The following CDK15 variants were observed in gnomAD, a reference collection of about 807,000 sequenced individuals.
CDK15 encodes cyclin-dependent kinase 15.
In CDK15, 62 loss-of-function variants were observed where a neutral mutation model predicts 60.3. The observed-to-expected ratio is 1.03, with a 90% CI of 0.84 to 1.27. The LOEUF (loss-of-function observed/expected upper bound fraction) is 1.27, where lower values mean the gene tolerates loss of function less well. Among genes scored for constraint, CDK15 ranks in the 50% most tolerant of loss-of-function variants. The pLI is 0.00. For synonymous variants in CDK15, 194 were observed against 195.7 expected, an observed-to-expected ratio of 0.99 and a Z score of 0.07; for missense variants, 541 against 527.8, an observed-to-expected ratio of 1.03 and a Z score of -0.25.
intron 12 of CDK15, among the ~76,000 whole-genome samples, chr2:201,886,836 G>A (rs943235008): frequency 6.6e-6 from 1 of 152,156 alleles, no homozygotes; most frequent in African/African-American, 2.4e-5. Flanking sequence ...TAAATTAGTT[G>A]TTTTTTCCTG....
intron 10 of CDK15, among the ~76,000 whole-genome samples, chr2:201,857,085 G>T (rs1698172964): frequency 1.2e-5 from 1 of 80,802 alleles, no homozygotes; most frequent in Admixed American, 1.1e-4. Context: ...AATTAGCCGG[G>T]CGCGGTGGCG....
chr2:201,887,761 T>C (rs1250860505), intron 12 of CDK15, among the ~76,000 whole-genome samples: 1 of 152,236 alleles, frequency 6.6e-6, no homozygotes, highest in Non-Finnish European at 1.5e-5. Flanking sequence ...TGTATGTGTA[T>C]TGTGCCCCTA....
chr2:201,889,050 A>G (rs1699555126), intron 12 of CDK15: 1 of 985,308 alleles, frequency 1.0e-6, no homozygotes, highest in Non-Finnish European at 1.2e-6. Flanking sequence ...TATTTGGAAT[A>G]TGCGATTCCA....
intron 6 of CDK15, among the ~76,000 whole-genome samples, chr2:201,825,460 G>A (rs1201849666): frequency 6.6e-6 from 1 of 151,736 alleles, no homozygotes; most frequent in Non-Finnish European, 1.5e-5. Context: ...CTGGAAGTAA[G>A]GTTTTGGAAA....
chr2:201,869,615 G>A (rs1015291311), intron 10 of CDK15, among the ~76,000 whole-genome samples: 1 of 152,016 alleles, frequency 6.6e-6, no homozygotes, highest in Non-Finnish European at 1.5e-5. Context: ...CTTACATGAG[G>A]TCTCAGCAAA....
intron 10 of CDK15, among the ~76,000 whole-genome samples, chr2:201,869,004 T>C (rs916724350): frequency 3.0e-4 from 46 of 152,172 alleles, no homozygotes; most frequent in African/African-American, 1.0e-3. Flanking sequence ...AGAAATACCA[T>C]TTGACCCAGC....
At chr2:201,887,901 A>C (rs957871465) in intron 12 of CDK15, among the ~76,000 whole-genome samples, 1 of 152,116 alleles carries the variant, frequency 6.6e-6, no homozygotes, top group Non-Finnish European at 1.5e-5. Flanking sequence ...AATCACGAGG[A>C]TGTGTGCACT....
chr2:201,848,735 C>T lies in CDK15; in HGVS notation c.945+1261C>T, dbSNP rs574668375. Among the ~76,000 whole-genome samples, 383 of 152,224 alleles carry T rather than the reference C, an allele frequency of 2.5e-3. 2 individuals are homozygous for T. Among genetic ancestry groups the T allele is most frequent in the African/African-American group, 8.3e-3 (346 of 41,546 alleles). The stretch of plus-strand genomic sequence containing the variant: ...TAGAATGTGTCAAGGGGCTTTAAAT[C>T]GGCGGGGTGCAGGGGGGTACTTTAT... On this transcript the variant is annotated intron_variant, in intron 9 of 13. Coordinates refer to ENST00000652192, the MANE Select transcript of CDK15 (RefSeq NM_001366386.2).
Position 201,842,442 on chromosome 2 carries a change from C to T in CDK15, c.852-4939C>T, listed in dbSNP as rs531399215. Among the ~76,000 whole-genome samples the T allele has an allele frequency of 3.9e-5, 6 of 152,294 alleles. No individual in the cohort carries two copies. In the East Asian group the frequency reaches 1.2e-3, roughly 29 times the overall value. Reference sequence around the variant, plus strand: ...AGATCATTTACTGTCACATTTCTCGCTGCAAACTTCCAAATATAAAAAGGG... The same window carrying T: ...AGATCATTTACTGTCACATTTCTCGTTGCAAACTTCCAAATATAAAAAGGG... On this transcript the variant is annotated intron_variant, in intron 8 of 13. Transcript: ENST00000652192.
At chr2:201,819,502 C>T (rs1696131118) in intron 4 of CDK15, among the ~76,000 whole-genome samples, 1 of 152,146 alleles carries the variant, frequency 6.6e-6, no homozygotes, top group Non-Finnish European at 1.5e-5. Flanking sequence ...TGAGAGGCCA[C>T]TGGAGGGTTT....
intron 8 of CDK15, among the ~76,000 whole-genome samples, chr2:201,836,213 T>C (rs1299494313): frequency 8.0e-6 from 1 of 125,130 alleles, no homozygotes; most frequent in Non-Finnish European, 1.7e-5. Flanking sequence ...ATATGTATTT[T>C]TTTTTTTTGA....
chr2:201,891,965 T>G (rs1415039629), intron 13 of CDK15, among the ~76,000 whole-genome samples: 1 of 152,172 alleles, frequency 6.6e-6, no homozygotes, highest in East Asian at 1.9e-4. Context: ...ACAATATCAC[T>G]CACATGGCTG....
chr2:201,807,502 C>T lies in CDK15; in HGVS notation c.132C>T (p.Asp44=), dbSNP rs369158011. Residue 44 remains aspartate, a synonymous_variant, in exon 2 of 14, where the codon GAC becomes GAT. Transcript: ENST00000652192. ...CTTTCTTTTTTCTCTAGCTAACAGACCTAAAAGAAGCATCATGTTCCATGA... is the reference window on the plus strand; with the variant it reads ...CTTTCTTTTTTCTCTAGCTAACAGATCTAAAAGAAGCATCATGTTCCATGA... ...ETTEAAFKLT[D]LKEASCSMTS... 26 of 1,613,880 alleles carry T rather than the reference C, an allele frequency of 1.6e-5. No homozygotes were observed. The highest frequency in any genetic ancestry group is 2.2e-5 in the Non-Finnish European group (26 of 1,179,926).
rs1009381232 is a variant in CDK15, at chr2:201,882,154, G to A, written c.1198+1987G>A. Reference sequence around the variant, plus strand: ...ACCAACAGAGGGGCCGTGGTGCATGGGTATCTAAGGTTGTGTGTGTATGTG... The same window carrying A: ...ACCAACAGAGGGGCCGTGGTGCATGAGTATCTAAGGTTGTGTGTGTATGTG... On this transcript the variant is annotated intron_variant, in intron 12 of 13. Coordinates refer to ENST00000652192, the MANE Select transcript of CDK15 (RefSeq NM_001366386.2). The surrounding 1 kb of genome is among the most constrained non-coding windows in gnomAD (Gnocchi z 4.0). 6.6e-6 allele frequency among the ~76,000 whole-genome samples: 1 copy of A among 152,012 alleles called. No homozygotes were observed. The highest frequency in any genetic ancestry group is 1.5e-5 in the Non-Finnish European group (1 of 68,012).
At chr2:201,867,910 T>C (rs1281263942) in intron 10 of CDK15, among the ~76,000 whole-genome samples, 1 of 152,242 alleles carries the variant, frequency 6.6e-6, no homozygotes, top group East Asian at 1.9e-4. Context: ...ATTTTACAGA[T>C]TTGGAAACTT....
At chr2:201,809,035 C>T (rs1477480407) in intron 3 of CDK15, among the ~76,000 whole-genome samples, 24 of 152,146 alleles carry the variant, frequency 1.6e-4, no homozygotes, top group Non-Finnish European at 5.9e-5. Flanking sequence ...AGCAACTCTC[C>T]TGCCCCTGGC....
chr2:201,842,361 TA>T (rs1459677538), intron 8 of CDK15, among the ~76,000 whole-genome samples: 2 of 152,192 alleles, frequency 1.3e-5, no homozygotes, highest in Non-Finnish European at 2.9e-5. Context: ...ATCTATTCAG[TA>T]TCAGTTTCAG....
intron 3 of CDK15, among the ~76,000 whole-genome samples, chr2:201,809,014 TC>T (rs904767664): frequency 2.0e-5 from 3 of 152,142 alleles, no homozygotes; most frequent in African/African-American, 4.8e-5. Context: ...AACCTCTGCC[TC>T]CTGAGTTCAA....
chr2:201,888,661 T>C lies in CDK15; in HGVS notation c.1199-2124T>C, dbSNP rs1699543837. 6 of 1,354,204 alleles carry C rather than the reference T, an allele frequency of 4.4e-6. No homozygotes were observed. The South Asian group carries it at 7.6e-5, about 17-fold the overall frequency. 83.9% of individuals were successfully genotyped at this position (1,354,204 alleles called of 1,614,324 possible). On this transcript the variant is annotated intron_variant, in intron 12 of 13. Coordinates refer to ENST00000652192, the MANE Select transcript of CDK15 (RefSeq NM_001366386.2). ...GAGAGTCTGGCAGTCCACAGCCAAA[T>C]TGGAATCCTTTTGATTAACCGGTTG...
Sources: gnomAD v4.1 joint callset for allele counts (sites outside exome capture counted in the v4.1 genomes callset) on GRCh38, gnomAD v4.1.1 for gene constraint, Gnocchi (gnomAD v3.1) non-coding constraint, MANE v1.5 for transcripts, NCBI Gene and HGNC (gene_info 2026-07-23, HGNC 2026-07-21) for gene names.